The following PSME4 variants were observed in gnomAD, a reference collection of about 807,000 sequenced individuals.
PSME4 encodes the protein proteasome activator subunit 4.
PSME4 carries 89 observed loss-of-function variants against 253.9 expected under a neutral mutation model. That is an observed-to-expected ratio of 0.35 (90% CI 0.30 to 0.42). The LOEUF is 0.42. Ranked by LOEUF, PSME4 falls within the 10% of genes least tolerant of loss-of-function variation. The probability of loss-of-function intolerance (pLI) is 1.00; values close to 1 mark genes in which losing one functional copy is unlikely to be tolerated. For synonymous variants in PSME4, 851 were observed against 759.2 expected (o/e 1.12, Z -1.99); for missense variants, 2,014 against 2,195.2 (o/e 0.92, Z 1.65).
At chr2:53,943,607 G>A (rs937127718) in intron 3 of PSME4, among the ~76,000 whole-genome samples, 7 of 152,216 alleles carry the variant, frequency 4.6e-5, no homozygotes, top group African/African-American at 7.2e-5. Flanking sequence ...TTGGGAAGCC[G>A]AGGCGGGTGG....
intron 3 of PSME4, among the ~76,000 whole-genome samples, chr2:53,942,843 C>T (rs749631655): frequency 6.6e-5 from 10 of 152,138 alleles, no homozygotes; most frequent in Non-Finnish European, 1.2e-4. Flanking sequence ...AACTGCCACC[C>T]TATTATTAAG....
intron 20 of PSME4, among the ~76,000 whole-genome samples, chr2:53,918,693 G>A (rs1314412322): frequency 6.6e-6 from 1 of 151,964 alleles, no homozygotes; most frequent in African/African-American, 2.4e-5. Context: ...CTATTCACTC[G>A]AAGTAATAAT....
At position 53,940,940 on chromosome 2, in the gene PSME4, A is replaced by T. The variant is rs57983562; in HGVS notation, c.501-940T>A. ...TAAATATATATATAATACATATATA[A>T]ATATATATATACATATATATATATA... On this transcript the variant is annotated intron_variant, in intron 3 of 46. Coordinates refer to ENST00000404125, the MANE Select transcript of PSME4 (RefSeq NM_014614.3). Among the ~76,000 whole-genome samples the T allele has an allele frequency of 6.3e-3, 324 of 51,174 alleles. 12 individuals carry two copies. The highest frequency in any genetic ancestry group is 0.01 in the Middle Eastern group (1 of 100). The allele number at this position is 51,174 out of a possible 152,430, so 33.6% of individuals were successfully genotyped here.
At chr2:53,943,784 G>T (rs191001536) in intron 3 of PSME4, among the ~76,000 whole-genome samples, 1 of 149,186 alleles carries the variant, frequency 6.7e-6, no homozygotes, top group African/African-American at 2.5e-5. Flanking sequence ...GGAGGTTGCG[G>T]TGAGTCCAGA....
chr2:53,960,194 G>A (rs977342017), intron 1 of PSME4, among the ~76,000 whole-genome samples: 5 of 152,170 alleles, frequency 3.3e-5, no homozygotes, highest in Non-Finnish European at 5.9e-5. Flanking sequence ...GAAGTCAGGA[G>A]ATCCAGACCA....
At chr2:53,967,679 A>AAAAAAAAAAAAAAAAAAG (rs1670808609) in intron 1 of PSME4, among the ~76,000 whole-genome samples, 1 of 139,944 alleles carries the variant, frequency 7.1e-6, no homozygotes, top group African/African-American at 2.8e-5. Flanking sequence ...AAAAAAAAAA[A>AAAAAAAAAAAAAAAAAAG]GTCAAAAAGA....
chr2:53,944,808 G>C (rs1333301470), intron 3 of PSME4, among the ~76,000 whole-genome samples: 1 of 151,986 alleles, frequency 6.6e-6, no homozygotes, highest in East Asian at 1.9e-4. Context: ...ATCTTAAAGA[G>C]CACCAATTCA....
intron 1 of PSME4, among the ~76,000 whole-genome samples, chr2:53,967,681 T>TAAAAAAAAAAAAAAAAAAAAAA (rs1670810438): frequency 2.5e-5 from 1 of 39,920 alleles, no homozygotes; most frequent in Non-Finnish European, 5.3e-5. Flanking sequence ...AAAAAAAAAG[T>TAAAAAAAAAAAAAAAAAAAAAA]CAAAAAGAGG....
chr2:53,937,576 T>C (rs1445238522), intron 4 of PSME4, 36 bp from the exon 5 acceptor site: 5 of 1,591,642 alleles, frequency 3.1e-6, no homozygotes, highest in Middle Eastern at 1.7e-4. Context: ...TATCTGATTA[T>C]TGGCTAAAAG....
At chr2:53,948,992 T>C in intron 2 of PSME4, 151 bp downstream of exon 2, 1 of 1,116,518 alleles carries the variant, frequency 9.0e-7, no homozygotes, top group South Asian at 2.0e-5. Flanking sequence ...AACTGACACA[T>C]TTGATGAAAA....
In PSME4 at chr2:53,928,232, A is replaced by G. The variant is rs1171235889; in HGVS notation, c.1388T>C (p.Val463Ala). The G allele has an allele frequency of 6.2e-7, 1 of 1,614,060 alleles. No individual in the cohort carries two copies. Among genetic ancestry groups the G allele is most frequent in the Non-Finnish European group, 8.5e-7 (1 of 1,179,982 alleles). ...GCCTCCTGATACCAAACTGCGGGCTACTCCAATTACACAACTTAAAGTAGC... is the reference window on the plus strand; with the variant it reads ...GCCTCCTGATACCAAACTGCGGGCTGCTCCAATTACACAACTTAAAGTAGC... ...LTATLSCVIG[V>A]ARSLVSGGRW... The change falls in exon 11 of 47, where the codon GTA (valine) becomes GCA (alanine). Residue 463 changes from valine to alanine, a missense_variant. By Grantham distance (64) the Val-to-Ala change is moderately conservative. Coordinates refer to ENST00000404125, the MANE Select transcript of PSME4 (RefSeq NM_014614.3).
chr2:53,891,701 A>G (rs542334415), intron 36 of PSME4, among the ~76,000 whole-genome samples: 2 of 152,220 alleles, frequency 1.3e-5, no homozygotes, highest in African/African-American at 4.8e-5. Context: ...TCTATTAAAA[A>G]TACAAAAATT....
intron 41 of PSME4, among the ~76,000 whole-genome samples, chr2:53,884,502 C>T (rs1323408684): frequency 6.6e-6 from 1 of 152,224 alleles, no homozygotes; most frequent in East Asian, 1.9e-4. Flanking sequence ...AACCACCACA[C>T]CGGGCCTCTA....
At chr2:53,956,495 A>G (rs1278710576) in intron 1 of PSME4, among the ~76,000 whole-genome samples, 2 of 152,012 alleles carry the variant, frequency 1.3e-5, no homozygotes, top group Non-Finnish European at 2.9e-5. Context: ...ACGCCACTGC[A>G]CTCCAGCCTG....
Position 53,890,170 on chromosome 2 carries a change from T to C in PSME4, c.4230A>G (p.Arg1410=), listed in dbSNP as rs754828762. 2.5e-6 allele frequency: 4 copies of C among 1,613,968 alleles called. No homozygotes were observed. The highest frequency in any genetic ancestry group is 3.4e-6 in the Non-Finnish European group (4 of 1,179,916). The change falls in exon 37 of 47, where the codon AGA becomes AGG. Residue 1410 remains arginine, a synonymous_variant. Coordinates refer to ENST00000404125, the MANE Select transcript of PSME4 (RefSeq NM_014614.3). ...CTACGGTAATATTGGACAGTGCTGT[T>C]CTAAGCAGAGGGCACAGAAGCTCCC... is the stretch of plus-strand genomic sequence containing the variant. ...KLWELLCPLL[R]TALSNITVET... is the part of the protein sequence containing the mutation.
intron 46 of PSME4, 190 bp downstream of exon 46, chr2:53,865,895 A>G (rs1474785329): frequency 1.6e-6 from 1 of 612,160 alleles, no homozygotes; most frequent in Non-Finnish European, 2.7e-6. Flanking sequence ...TTAAACCTAA[A>G]GCAAGGAGGC....
chr2:53,942,931 T>C (rs1669519521), intron 3 of PSME4, among the ~76,000 whole-genome samples: 1 of 152,204 alleles, frequency 6.6e-6, no homozygotes, highest in Non-Finnish European at 1.5e-5. Flanking sequence ...AATTTTCCTC[T>C]CTGGACCTCG....
intron 44 of PSME4, among the ~76,000 whole-genome samples, chr2:53,868,345 G>T (rs1452367130): frequency 6.6e-6 from 1 of 150,856 alleles, no homozygotes; most frequent in East Asian, 1.9e-4. Flanking sequence ...CTAGCTACTC[G>T]GCTAACAGGG....
At chr2:53,911,588 C>T (rs1395437259) in intron 20 of PSME4, among the ~76,000 whole-genome samples, 1 of 151,938 alleles carries the variant, frequency 6.6e-6, no homozygotes, top group African/African-American at 2.4e-5. Context: ...AGTTCCCACC[C>T]TCCCCCCGCC....
Sources: gnomAD v4.1 joint callset for allele counts (sites outside exome capture counted in the v4.1 genomes callset) on GRCh38, gnomAD v4.1.1 for gene constraint, MANE v1.5 for transcripts, NCBI Gene and HGNC (gene_info 2026-07-23, HGNC 2026-07-21) for gene names.